Variants in GMPR observed in about 807,000 individuals in gnomAD.
GMPR encodes the protein guanosine monophosphate reductase.
GMPR carries 31 observed loss-of-function variants against 38.4 expected under a neutral mutation model. That is an observed-to-expected ratio of 0.81 (90% confidence interval 0.61 to 1.09). The LOEUF is 1.09. Among genes scored for constraint, GMPR ranks in the 50% least tolerant of loss-of-function variants. The pLI, the probability that GMPR is intolerant of heterozygous loss-of-function variation, is 0.00. For synonymous variants in GMPR, 162 were observed against 173.3 expected, an observed-to-expected ratio of 0.93 and a Z score of 0.51; for missense variants, 468 against 453.7, an observed-to-expected ratio of 1.03 and a Z score of -0.29.
rs778765905 is a variant in GMPR, at chr6:16,295,215, A to G, written c.*29A>G. ...TGGGGACAAAGCAGCGTCTGGCTCG[A>G]GTGGAAGCGTCCAAACCTGCTTTTC... is the stretch of plus-strand genomic sequence containing the variant. On this transcript the variant is annotated 3_prime_UTR_variant, in exon 9 of 9. Transcript: ENST00000259727. 21 of 1,473,362 alleles carry G rather than the reference A, an allele frequency of 1.4e-5. No individual in the cohort carries two copies. Among genetic ancestry groups the G allele is most frequent in the Non-Finnish European group, 1.9e-5 (21 of 1,113,916 alleles). The allele number at this position is 1,473,362 out of a possible 1,614,324, so 91.3% of individuals were successfully genotyped here. A position where few individuals can be genotyped will look rare whatever the true frequency, so the allele number is the denominator to read the frequency against.
chr6:16,258,512 G>T (rs942106697), intron 4 of GMPR, among the ~76,000 whole-genome samples: 1 of 152,220 alleles, frequency 6.6e-6, no homozygotes, highest in South Asian at 2.1e-4. Flanking sequence ...GGAGGAGATC[G>T]GTTCAGAGTT....
At chr6:16,285,034 A>C (rs1185958963) in intron 6 of GMPR, among the ~76,000 whole-genome samples, 24 of 59,454 alleles carry the variant, frequency 4.0e-4, no homozygotes, top group African/African-American at 2.1e-3. Context: ...AAAAAAAAAC[A>C]AAAAAAAAAA....
chr6:16,266,285 C>G (rs1488971825), intron 4 of GMPR, among the ~76,000 whole-genome samples: 1 of 151,790 alleles, frequency 6.6e-6, no homozygotes, highest in Non-Finnish European at 1.5e-5. Flanking sequence ...GGCTTCATTC[C>G]TGAAGTCAGT....
intron 4 of GMPR, among the ~76,000 whole-genome samples, chr6:16,256,594 G>C (rs1215621653): frequency 6.6e-6 from 1 of 151,864 alleles, no homozygotes; most frequent in East Asian, 1.9e-4. Flanking sequence ...GTTAGAAGTG[G>C]GTTGGGAAAT....
chr6:16,274,553 G>T (rs1759442729), intron 5 of GMPR, 57 bp downstream of exon 5: 5 of 972,180 alleles, frequency 5.1e-6, no homozygotes, highest in Non-Finnish European at 6.7e-6. Context: ...GGGATCTGGG[G>T]CTTGCGGGGA....
chr6:16,258,785 T>C (rs1046637339), intron 4 of GMPR, among the ~76,000 whole-genome samples: 4 of 152,208 alleles, frequency 2.6e-5, no homozygotes, highest in Non-Finnish European at 5.9e-5. Context: ...TTTGGAGGCA[T>C]TGTGAAGACG....
Position 16,278,796 on chromosome 6 carries a change from C to T in GMPR, c.560C>T (p.Thr187Ile), listed in dbSNP as rs1462198637. The T allele has an allele frequency of 6.2e-6, 10 of 1,611,874 alleles. No individual in the cohort carries two copies. Among genetic ancestry groups the T allele is most frequent in the Non-Finnish European group, 8.5e-6 (10 of 1,177,982 alleles). Reference sequence around the variant, plus strand: ...TTTCTCTGTGCAGGTTCTGTGTGCACCACCCGCACCAAGACGGGAGTGGGG... The same window carrying T: ...TTTCTCTGTGCAGGTTCTGTGTGCATCACCCGCACCAAGACGGGAGTGGGG... ...KVGVGPGSVC[T>I]TRTKTGVGYP... Residue 187 changes from threonine (T) to isoleucine (I), a missense_variant, in exon 6 of 9, where the codon ACC (threonine) becomes ATC (isoleucine). Physicochemically the swap from Thr to Ile is moderately conservative, Grantham distance 89. Coordinates refer to ENST00000259727, the MANE Select transcript of GMPR (RefSeq NM_006877.4).
At chr6:16,240,756 G>A (rs956277244) in intron 1 of GMPR, among the ~76,000 whole-genome samples, 2 of 152,190 alleles carry the variant, frequency 1.3e-5, no homozygotes, top group African/African-American at 2.4e-5. Context: ...TTCCAGTTTG[G>A]GATAGCATCT....
chr6:16,244,886 C>T (rs1298417981), intron 1 of GMPR, among the ~76,000 whole-genome samples: 1 of 152,058 alleles, frequency 6.6e-6, no homozygotes, highest in Non-Finnish European at 1.5e-5. Flanking sequence ...TGAGGGGAAG[C>T]GTTTACTGTT....
chr6:16,251,792 A>G (rs1758881396), intron 3 of GMPR, among the ~76,000 whole-genome samples: 1 of 152,146 alleles, frequency 6.6e-6, no homozygotes, highest in Admixed American at 6.5e-5. Flanking sequence ...TATACTAAAA[A>G]TCATTGAATT....
At chr6:16,250,852 G>C (rs1758857970) in intron 3 of GMPR, among the ~76,000 whole-genome samples, 1 of 151,462 alleles carries the variant, frequency 6.6e-6, no homozygotes, top group Non-Finnish European at 1.5e-5. Context: ...GGCCAGCCTG[G>C]TCAACATAGT....
intron 4 of GMPR, among the ~76,000 whole-genome samples, chr6:16,257,629 G>A (rs1759006036): frequency 6.6e-6 from 1 of 152,144 alleles, no homozygotes; most frequent in South Asian, 2.1e-4. Flanking sequence ...ACCATAAACT[G>A]ACTGGTGTAT....
chr6:16,265,986 T>C (rs1581655784), intron 4 of GMPR, among the ~76,000 whole-genome samples: 1 of 152,118 alleles, frequency 6.6e-6, no homozygotes, highest in African/African-American at 2.4e-5. Context: ...TGTGCAACCT[T>C]TAAGAGCTGT....
At chr6:16,290,708 T>C (rs1759825620) in intron 8 of GMPR, 87 bp downstream of exon 8, 1 of 1,115,368 alleles carries the variant, frequency 9.0e-7, no homozygotes. Flanking sequence ...GAATAGCAGC[T>C]CTGTGTATAT....
intron 4 of GMPR, among the ~76,000 whole-genome samples, chr6:16,274,050 A>G (rs61254911): frequency 0.049 from 7,523 of 152,104 alleles, 349 homozygotes; most frequent in East Asian, 0.14. Flanking sequence ...TCTTGACCTC[A>G]TGATCTGCCT....
intron 6 of GMPR, among the ~76,000 whole-genome samples, chr6:16,283,935 T>A (rs1401484700): frequency 1.3e-5 from 2 of 152,130 alleles, no homozygotes; most frequent in African/African-American, 4.8e-5. Flanking sequence ...CGAAGGGCAT[T>A]TTGAGGTTGT....
chr6:16,268,113 C>A (rs577172963), intron 4 of GMPR, among the ~76,000 whole-genome samples: 2 of 152,348 alleles, frequency 1.3e-5, no homozygotes, highest in African/African-American at 4.8e-5. Context: ...GAGAGCACCT[C>A]TCAGGCCGTG....
In GMPR at chr6:16,295,175, G is replaced by A. The variant is rs771113752; in HGVS notation, c.1027G>A (p.Val343Met). The part of the protein sequence containing the change: ...FIRVTQQHNT[V>M]FS ...CCGGGTGACCCAGCAGCACAACACC[G>A]TGTTCAGCTAACCCTGGGGACAAAG... The change falls in exon 9 of 9, where the codon GTG becomes ATG. Residue 343 changes from valine to methionine, a missense_variant. Val to Met is a conservative substitution (Grantham distance 21). Transcript: ENST00000259727. The A allele has an allele frequency of 3.7e-5, 57 of 1,522,276 alleles. No individual in the cohort carries two copies. The highest frequency in any genetic ancestry group is 4.5e-5 in the Non-Finnish European group (51 of 1,141,798). The allele number at this position is 1,522,276 out of a possible 1,614,324, so 94.3% of individuals were successfully genotyped here.
At chr6:16,283,260 C>A (rs1759609485) in intron 6 of GMPR, among the ~76,000 whole-genome samples, 1 of 152,146 alleles carries the variant, frequency 6.6e-6, no homozygotes, top group South Asian at 2.1e-4. Flanking sequence ...TGAATACTTG[C>A]ACAGAACAAA....
Sources: gnomAD v4.1 joint callset for allele counts (sites outside exome capture counted in the v4.1 genomes callset) on GRCh38, gnomAD v4.1.1 for gene constraint, MANE v1.5 for transcripts, NCBI Gene and HGNC (gene_info 2026-07-23, HGNC 2026-07-21) for gene names.